Variants in GRM7 observed in about 807,000 individuals in gnomAD.
GRM7 encodes metabotropic glutamate receptor 7.
In GRM7, 35 loss-of-function variants were observed where a neutral mutation model predicts 84.5. The observed-to-expected ratio is 0.41, with a 90% CI of 0.32 to 0.55. The LOEUF (loss-of-function observed/expected upper bound fraction) is 0.55, where lower values mean the gene tolerates loss of function less well. Among genes scored for constraint, GRM7 ranks in the 20% least tolerant of loss-of-function variants. The pLI is 0.19. For missense variants in GRM7, 1,003 were observed against 1,194.6 expected (o/e 0.84, Z 2.36); for synonymous variants, 487 against 455.1 (o/e 1.07, Z -0.89).
At chr3:6,912,696 G>T (rs552358408) in intron 1 of GRM7, among the ~76,000 whole-genome samples, 1 of 151,852 alleles carries the variant, frequency 6.6e-6, no homozygotes, top group East Asian at 1.9e-4. Flanking sequence ...TCTGATCTCT[G>T]GATTTAAAAA....
intron 8 of GRM7, among the ~76,000 whole-genome samples, chr3:7,617,278 A>T (rs141832717): frequency 2.7e-3 from 407 of 152,288 alleles, no homozygotes; most frequent in Non-Finnish European, 4.0e-3. Flanking sequence ...GCATATGAGA[A>T]AGTTTGGTTT....
chr3:7,109,433 A>C (rs1055066439), intron 1 of GRM7, among the ~76,000 whole-genome samples: 1 of 152,072 alleles, frequency 6.6e-6, no homozygotes, highest in Non-Finnish European at 1.5e-5. Flanking sequence ...CACCCTACCA[A>C]TCCATTGTCC....
intron 4 of GRM7, among the ~76,000 whole-genome samples, chr3:7,413,929 C>G (rs1055689624): frequency 6.6e-6 from 1 of 152,088 alleles, no homozygotes; most frequent in African/African-American, 2.4e-5. Context: ...CAATTCCCAC[C>G]AAAATGTGAA....
At chr3:7,419,420 G>A (rs1696306316) in intron 5 of GRM7, among the ~76,000 whole-genome samples, 2 of 152,086 alleles carry the variant, frequency 1.3e-5, no homozygotes, top group African/African-American at 4.8e-5. Context: ...ATTTTCTCCT[G>A]AGGAGCTGTG....
intron 1 of GRM7, among the ~76,000 whole-genome samples, chr3:7,097,107 AC>A (rs767928167): frequency 1.4e-4 from 22 of 152,110 alleles, no homozygotes; most frequent in Non-Finnish European, 2.9e-4. Context: ...CATTGAAGTC[AC>A]CCATGCATGC....
At chr3:7,105,250 GT>G (rs1253136510) in intron 1 of GRM7, among the ~76,000 whole-genome samples, 1 of 151,800 alleles carries the variant, frequency 6.6e-6, no homozygotes, top group Non-Finnish European at 1.5e-5. Flanking sequence ...GTCAAAAAAT[GT>G]TGACCCAGAA....
At chr3:7,719,470 G>C (rs77793501) in intron 9 of GRM7, among the ~76,000 whole-genome samples, 1 of 152,098 alleles carries the variant, frequency 6.6e-6, no homozygotes, top group African/African-American at 2.4e-5. Context: ...CTCTAGTAAG[G>C]AATAGCAAAG....
chr3:7,173,547 C>T (rs1349288461), intron 2 of GRM7, among the ~76,000 whole-genome samples: 1 of 152,176 alleles, frequency 6.6e-6, no homozygotes, highest in Non-Finnish European at 1.5e-5. Flanking sequence ...CTTGGCCCTG[C>T]TTGGATCAAC....
chr3:7,092,867 T>C (rs1018121477), intron 1 of GRM7, among the ~76,000 whole-genome samples: 11 of 152,238 alleles, frequency 7.2e-5, no homozygotes, highest in African/African-American at 2.6e-4. Context: ...AAGGATTGCT[T>C]GAGGCCAAGA....
intron 8 of GRM7, among the ~76,000 whole-genome samples, chr3:7,583,927 A>G (rs990733008): frequency 6.6e-6 from 1 of 152,340 alleles, no homozygotes; most frequent in East Asian, 1.9e-4. Flanking sequence ...GAACTCATAC[A>G]CTAATGGTCA....
chr3:6,866,714 C>T (rs185092534), intron 1 of GRM7, among the ~76,000 whole-genome samples: 348 of 152,262 alleles, frequency 2.3e-3, no homozygotes, highest in Middle Eastern at 6.8e-3. Flanking sequence ...GTAGTATTCC[C>T]ATTCATCTTG....
chr3:7,478,440 A>T (rs947754614), intron 7 of GRM7, among the ~76,000 whole-genome samples: 3 of 152,204 alleles, frequency 2.0e-5, no homozygotes, highest in Non-Finnish European at 4.4e-5. Flanking sequence ...GACGACTGGA[A>T]CATTTTGCAA....
chr3:7,720,930 T>C (rs149478870), intron 9 of GRM7, among the ~76,000 whole-genome samples: 228 of 152,272 alleles, frequency 1.5e-3, no homozygotes, highest in Non-Finnish European at 2.9e-3. Flanking sequence ...TTCCTTAACC[T>C]CTCTTAGCCT....
intron 1 of GRM7, among the ~76,000 whole-genome samples, chr3:6,951,716 A>C (rs185564666): frequency 0.017 from 2,549 of 152,304 alleles, 24 homozygotes; most frequent in Non-Finnish European, 0.028. Context: ...CCCTTTCAGA[A>C]AAAAATATAT....
At chr3:7,683,632 A>G (rs1315933597) in intron 9 of GRM7, among the ~76,000 whole-genome samples, 1 of 152,268 alleles carries the variant, frequency 6.6e-6, no homozygotes, top group African/African-American at 2.4e-5. Context: ...TACTTTCTGC[A>G]GTGACGATCA....
rs770473570 is a variant in GRM7 at position 6,861,659 on chromosome 3, A to G, written c.271A>G (p.Ser91Gly). 71 of 1,613,844 alleles carry G rather than the reference A, an allele frequency of 4.4e-5. No homozygotes were observed. Among genetic ancestry groups the G allele is most frequent in the Non-Finnish European group, 8.5e-7 (1 of 1,179,970 alleles). ...GCTCTACGCCCTGGACCAGATCAACAGTGATCCCAACCTACTGCCCAACGT... is the reference window on the plus strand; with the variant it reads ...GCTCTACGCCCTGGACCAGATCAACGGTGATCCCAACCTACTGCCCAACGT... ...AMLYALDQIN[S>G]DPNLLPNVTL... Residue 91 changes from serine to glycine, a missense_variant, in exon 1 of 10, where the codon AGT becomes GGT. Ser to Gly is a moderately conservative substitution (Grantham distance 56, BLOSUM62 0). Transcript: ENST00000357716. This position sits in a 1 kb window ranked among gnomAD's most constrained non-coding sequence, Gnocchi z 6.4.
At chr3:7,568,879 C>A (rs538370278) in intron 7 of GRM7, among the ~76,000 whole-genome samples, 2 of 152,236 alleles carry the variant, frequency 1.3e-5, no homozygotes, top group East Asian at 1.9e-4. Context: ...AGCGCCCCCC[C>A]TCCATGGGCT....
chr3:7,170,940 G>A (rs923329619), intron 2 of GRM7, among the ~76,000 whole-genome samples: 6 of 152,098 alleles, frequency 3.9e-5, no homozygotes, highest in Non-Finnish European at 8.8e-5. Context: ...CATGATACAT[G>A]CAGACACATG....
intron 2 of GRM7, among the ~76,000 whole-genome samples, chr3:7,221,683 T>C (rs1305945382): frequency 6.6e-6 from 1 of 151,834 alleles, no homozygotes; most frequent in Non-Finnish European, 1.5e-5. Context: ...AGCTATTTCC[T>C]TCTGTTTTAT....
Sources: allele counts gnomAD v4.1 joint callset (sites outside exome capture counted in the v4.1 genomes callset), GRCh38; gene constraint gnomAD v4.1.1; non-coding constraint Gnocchi (gnomAD v3.1); transcripts MANE v1.5; gene names NCBI Gene and HGNC (gene_info 2026-07-23, HGNC 2026-07-21).